Variants in PTPRN2 observed in about 807,000 individuals in gnomAD.
PTPRN2 encodes the protein receptor-type tyrosine-protein phosphatase N2.
Under a neutral mutation model 118.8 loss-of-function variants are expected in PTPRN2, and 74 were observed. The ratio of observed to expected loss-of-function variants is 0.62; its 90% CI spans 0.52 to 0.76. The LOEUF is 0.76. PTPRN2 is among the 30% of genes least tolerant of loss of function. PTPRN2 has a pLI of 0.00. For missense variants in PTPRN2, 1,481 were observed against 1,394.4 expected (o/e 1.06, Z -0.99); for synonymous variants, 641 against 608.0 (o/e 1.05, Z -0.80).
chr7:157,607,202 T>G (rs1433933126), intron 15 of PTPRN2, among the ~76,000 whole-genome samples: 1 of 152,234 alleles, frequency 6.6e-6, no homozygotes, highest in Non-Finnish European at 1.5e-5. Flanking sequence ...TGGTTGACTC[T>G]GACATCTGAA....
At position 157,929,895 on chromosome 7, in the gene PTPRN2, C is replaced by A. The variant is rs374808799; in HGVS notation, c.1724-31158G>T. On this transcript the variant is annotated intron_variant, in intron 11 of 22. Coordinates refer to ENST00000389418, the MANE Select transcript of PTPRN2 (RefSeq NM_002847.5). The surrounding 1 kb of genome is among the most constrained non-coding windows in gnomAD (Gnocchi z 4.4). ...TGAATCTGAAGGCAGCCCCCACCAA[C>A]GCGCTGGCTGCCTTGGGGCCAGGCA... Among the ~76,000 whole-genome samples the A allele has an allele frequency of 2.6e-5, 4 of 152,172 alleles. No homozygotes were observed. Among genetic ancestry groups the A allele is most frequent in the Admixed American group, 2.0e-4 (3 of 15,284 alleles).
rs1210326597 is a variant in PTPRN2, at chr7:158,400,934, A to G, written c.164-84002T>C. Among the ~76,000 whole-genome samples, 3 of 151,958 alleles carry G rather than the reference A, an allele frequency of 2.0e-5. No homozygotes were observed. The East Asian group carries it at 5.8e-4, about 29-fold the overall frequency. On this transcript the variant is annotated intron_variant, in intron 2 of 22. Transcript: ENST00000389418. ...CCAGATCCTGTAAAGAACATCCTGT[A>G]AAGAACCTCACGAGGAAAGCCGAGC...
chr7:157,802,550 G>A (rs771612913), intron 12 of PTPRN2, among the ~76,000 whole-genome samples: 4 of 152,206 alleles, frequency 2.6e-5, no homozygotes, highest in Non-Finnish European at 4.4e-5. Context: ...GAGCGCACCC[G>A]TCACTTCGAG....
In PTPRN2 at chr7:158,302,607, G is replaced by A. The variant is rs1002856299; in HGVS notation, c.277+14212C>T. Among the ~76,000 whole-genome samples, 11 of 152,202 alleles carry A rather than the reference G, an allele frequency of 7.2e-5. No homozygotes were observed. The South Asian group carries it at 2.1e-3, about 29-fold the overall frequency. On this transcript the variant is annotated intron_variant, in intron 3 of 22. Transcript: ENST00000389418. ...ACCTAGGGCATGTAGGACCACCCTC[G>A]TTTCACGATAAACAACCAAAACAGG...
chr7:158,285,033 GTCATC>G (rs1437449500), intron 3 of PTPRN2, among the ~76,000 whole-genome samples: 1 of 152,184 alleles, frequency 6.6e-6, no homozygotes, highest in Non-Finnish European at 1.5e-5. Context: ...CATCACGCTC[GTCATC>G]TCAGTAATTC....
At chr7:157,769,817 C>T (rs765717650) in intron 12 of PTPRN2, among the ~76,000 whole-genome samples, 8 of 152,226 alleles carry the variant, frequency 5.3e-5, no homozygotes, top group African/African-American at 1.4e-4. Flanking sequence ...CTATCCCAGG[C>T]GCTCCTCACC....
chr7:157,856,619 G>A (rs886115746), intron 12 of PTPRN2, among the ~76,000 whole-genome samples: 2 of 152,142 alleles, frequency 1.3e-5, no homozygotes, highest in Non-Finnish European at 2.9e-5. Context: ...TAGTGCAAAG[G>A]TCTCATTTTT....
chr7:158,011,293 C>G (rs1806028851), intron 11 of PTPRN2, among the ~76,000 whole-genome samples: 1 of 152,216 alleles, frequency 6.6e-6, no homozygotes, highest in Non-Finnish European at 1.5e-5. Context: ...ATGCCAGAGT[C>G]TATGTCTCCC....
chr7:157,663,969 T>G (rs917351052), intron 13 of PTPRN2, among the ~76,000 whole-genome samples: 11 of 152,218 alleles, frequency 7.2e-5, no homozygotes, highest in African/African-American at 2.4e-4. Context: ...TCACAGCATT[T>G]GAAATCGCTC....
intron 3 of PTPRN2, among the ~76,000 whole-genome samples, chr7:158,211,555 T>C (rs1389303935): frequency 1.3e-5 from 2 of 152,180 alleles, no homozygotes; most frequent in Non-Finnish European, 2.9e-5. Context: ...CAAATAGATA[T>C]AACTCTGAAT....
At chr7:158,437,771 A>T (rs952320295) in intron 2 of PTPRN2, among the ~76,000 whole-genome samples, 1 of 152,186 alleles carries the variant, frequency 6.6e-6, no homozygotes, top group African/African-American at 2.4e-5. Flanking sequence ...TAGCTTTCTG[A>T]TCAGCCTCTG....
At chr7:157,805,316 T>TGTGTGTGTGC (rs61380811) in intron 12 of PTPRN2, among the ~76,000 whole-genome samples, 1 of 147,550 alleles carries the variant, frequency 6.8e-6, no homozygotes, top group Non-Finnish European at 1.5e-5. Flanking sequence ...TGTGTGTGTG[T>TGTGTGTGTGC]GCGTGTGCAA....
intron 12 of PTPRN2, among the ~76,000 whole-genome samples, chr7:157,726,666 C>T (rs940547123): frequency 3.3e-5 from 5 of 152,238 alleles, no homozygotes; most frequent in African/African-American, 1.2e-4. Context: ...GGTTTGATGA[C>T]ACTCAAAACG....
At chr7:157,883,350 C>A (rs968086679) in intron 12 of PTPRN2, among the ~76,000 whole-genome samples, 1 of 143,266 alleles carries the variant, frequency 7.0e-6, no homozygotes, top group African/African-American at 2.6e-5. Flanking sequence ...CTGTTGGAAA[C>A]CAGAACACAA....
intron 11 of PTPRN2, among the ~76,000 whole-genome samples, chr7:157,925,516 T>C (rs2128773605): frequency 6.6e-6 from 1 of 152,340 alleles, no homozygotes; most frequent in African/African-American, 2.4e-5. Context: ...GGTCCCAACC[T>C]GGCCTGGCCC....
intron 11 of PTPRN2, among the ~76,000 whole-genome samples, chr7:158,044,482 C>CTTGGTCTAAA (rs1808697463): frequency 2.0e-5 from 3 of 152,220 alleles, no homozygotes; most frequent in Admixed American, 2.0e-4. Flanking sequence ...CGTGTTGGAG[C>CTTGGTCTAAA]TTGGTCTAAA....
chr7:158,319,438 C>A lies in PTPRN2; in HGVS notation c.164-2506G>T, dbSNP rs1395006580. ...GCCTCCCACACACACACACACACAG[C>A]CTCCCTCACACACGCACACAGCCTC... On this transcript the variant is annotated intron_variant, in intron 2 of 22. Transcript: ENST00000389418. Among the ~76,000 whole-genome samples the A allele has an allele frequency of 2.3e-5, 3 of 132,262 alleles. 1 individual carries two copies. Among genetic ancestry groups the A allele is most frequent in the Non-Finnish European group, 4.8e-5 (3 of 62,614 alleles). 86.8% of individuals were successfully genotyped at this position (132,262 alleles called of 152,430 possible).
intron 12 of PTPRN2, among the ~76,000 whole-genome samples, chr7:157,877,094 C>T (rs901600706): frequency 3.4e-5 from 5 of 146,792 alleles, no homozygotes; most frequent in Non-Finnish European, 6.0e-5. Context: ...GTGCAAGTGC[C>T]ATGGTCAGGG....
At chr7:158,415,532 A>T (rs757972100) in intron 2 of PTPRN2, among the ~76,000 whole-genome samples, 17 of 152,136 alleles carry the variant, frequency 1.1e-4, no homozygotes, top group Admixed American at 2.0e-4. Flanking sequence ...TGCTTACCAG[A>T]CTTATCTGAG....
Sources: gnomAD v4.1 joint callset for allele counts (sites outside exome capture counted in the v4.1 genomes callset) on GRCh38, gnomAD v4.1.1 for gene constraint, Gnocchi (gnomAD v3.1) non-coding constraint, MANE v1.5 for transcripts, NCBI Gene and HGNC (gene_info 2026-07-23, HGNC 2026-07-21) for gene names.